Variants in CHD1 observed in about 807,000 individuals in gnomAD.
CHD1 encodes ATP-dependent chromatin remodeler CHD1.
In CHD1, 36 loss-of-function variants were observed where a neutral mutation model predicts 224.2. That is an observed-to-expected ratio of 0.16 (90% CI 0.12 to 0.21). The LOEUF (loss-of-function observed/expected upper bound fraction) is 0.21. CHD1 is among the 10% of genes least tolerant of loss of function. The pLI is 1.00. For synonymous variants in CHD1, 668 were observed against 658.3 expected (o/e 1.01, Z -0.23); for missense variants, 1,378 against 1,994.8 (o/e 0.69, Z 5.89).
chr5:98,864,566 A>G (rs1748720370), intron 31 of CHD1, among the ~76,000 whole-genome samples: 1 of 149,892 alleles, frequency 6.7e-6, no homozygotes, highest in Non-Finnish European at 1.5e-5. Flanking sequence ...ATGGTGGCGC[A>G]CACCTGTAGT....
Position 98,855,231 on chromosome 5 carries a change from A to G in CHD1, c.*1149T>C, listed in dbSNP as rs1021073590. 6.6e-6 allele frequency: 1 copy of G among 152,646 alleles called. No homozygotes were observed. 9.5% of individuals were successfully genotyped at this position (152,646 alleles called of 1,614,324 possible). A position where few individuals can be genotyped will look rare whatever the true frequency, so the allele number is the denominator to read the frequency against. ...CTTTTTCTTAAATTTAATTTGTCAT[A>G]TATAACGTTTTTATATACAATCAGT... On this transcript the variant is annotated 3_prime_UTR_variant, in exon 36 of 36. Coordinates refer to ENST00000614616, the MANE Select transcript of CHD1 (RefSeq NM_001270.4).
chr5:98,926,254 A>T (rs1312674835), intron 2 of CHD1, 80 bp downstream of exon 2: 2 of 867,958 alleles, frequency 2.3e-6, no homozygotes, highest in African/African-American at 3.6e-5. Flanking sequence ...AAAACTAAAT[A>T]ACAACAATAA....
chr5:98,928,542 C>T lies in CHD1; in HGVS notation c.-152G>A. On this transcript the variant is annotated 5_prime_UTR_variant, in exon 1 of 36. Coordinates refer to ENST00000614616, the MANE Select transcript of CHD1 (RefSeq NM_001270.4). ...CGCCCGCCGCCCCCTTTCTTACCGGCGGGCTTGGCGGGGCGGAGGGAGCCG... is the reference window on the plus strand; with the variant it reads ...CGCCCGCCGCCCCCTTTCTTACCGGTGGGCTTGGCGGGGCGGAGGGAGCCG... 1 of 152,090 alleles carries T rather than the reference C, an allele frequency of 6.6e-6. No individual in the cohort carries two copies. Among genetic ancestry groups the T allele is most frequent in the African/African-American group, 2.4e-5 (1 of 41,498 alleles). The allele number at this position is 152,090 out of a possible 1,614,324, so 9.4% of individuals were successfully genotyped here.
intron 35 of CHD1, among the ~76,000 whole-genome samples, chr5:98,857,732 T>C (rs912727902): frequency 1.3e-5 from 2 of 152,084 alleles, no homozygotes; most frequent in Non-Finnish European, 2.9e-5. Flanking sequence ...ATATTCCAGA[T>C]TGCTGAGGTT....
chr5:98,887,753 T>C (rs1015896857), intron 17 of CHD1, among the ~76,000 whole-genome samples: 1 of 152,138 alleles, frequency 6.6e-6, no homozygotes, highest in Non-Finnish European at 1.5e-5. Context: ...CTCATTCAGA[T>C]TGAAGACTAA....
At chr5:98,867,891 C>A (rs1309639580) in intron 31 of CHD1, among the ~76,000 whole-genome samples, 1 of 150,990 alleles carries the variant, frequency 6.6e-6, no homozygotes. Context: ...CAACCTCAGC[C>A]TTCCAGGTTC....
At chr5:98,869,620 G>GCGCA in intron 30 of CHD1, 134 bp downstream of exon 30, 1 of 754,062 alleles carries the variant, frequency 1.3e-6, no homozygotes, top group Non-Finnish European at 2.0e-6. Context: ...GCACGTGCGC[G>GCGCA]CGCACACACA....
At chr5:98,880,407 TAA>T (rs1750089007) in intron 22 of CHD1, among the ~76,000 whole-genome samples, 1 of 152,228 alleles carries the variant, frequency 6.6e-6, no homozygotes, top group African/African-American at 2.4e-5. Context: ...ATTAAAATTA[TAA>T]AAGTTTTTTA....
chr5:98,919,811 A>G (rs1330819845), intron 2 of CHD1, among the ~76,000 whole-genome samples: 1 of 152,190 alleles, frequency 6.6e-6, no homozygotes, highest in Non-Finnish European at 1.5e-5. Context: ...TACATATATT[A>G]CCTAGCTCTG....
chr5:98,901,215 G>A lies in CHD1; in HGVS notation c.558C>T (p.Asn186=). ...TTTGAGGTTTTCTGCTTTTGACTTT[G>A]TTTTTTGGCTCATAATCAGATTCTG... is the stretch of plus-strand genomic sequence containing the variant. The part of the protein sequence containing the change: ...DETESDYEPK[N]KVKSRKPQNR... The change falls in exon 6 of 36, where the codon AAC becomes AAT. Residue 186 remains asparagine, a synonymous_variant. Transcript: ENST00000614616. 1 of 1,612,370 alleles carries A rather than the reference G, an allele frequency of 6.2e-7. No individual in the cohort carries two copies. Among genetic ancestry groups the A allele is most frequent in the Non-Finnish European group, 8.5e-7 (1 of 1,179,562 alleles).
At chr5:98,889,924 T>C (rs1750903715) in intron 15 of CHD1, 1 of 152,200 alleles carries the variant, frequency 6.6e-6, no homozygotes, top group Non-Finnish European at 1.5e-5. Context: ...GATGGAGCTG[T>C]AGACCATAAT....
At chr5:98,891,740 G>A (rs1751032237) in intron 15 of CHD1, among the ~76,000 whole-genome samples, 1 of 152,172 alleles carries the variant, frequency 6.6e-6, no homozygotes, top group African/African-American at 2.4e-5. Flanking sequence ...GAAACCAGAA[G>A]GTGGAGGTTG....
rs1008419035 is a variant in CHD1 at position 98,928,995 on chromosome 5, C to G, written c.-605G>C. ...CGCCTCTGCTCACTCCCCTTCCCGA[C>G]AGAGCGCGAGGCGGGCGGGCGCGCG... On this transcript the variant is annotated 5_prime_UTR_variant, in exon 1 of 36. Coordinates refer to ENST00000614616, the MANE Select transcript of CHD1 (RefSeq NM_001270.4). 6.6e-6 allele frequency: 1 copy of G among 152,418 alleles called. No homozygotes were observed. The highest frequency in any genetic ancestry group is 1.9e-4 in the East Asian group (1 of 5,144). 9.4% of individuals were successfully genotyped at this position (152,418 alleles called of 1,614,324 possible). A position where few individuals can be genotyped will look rare whatever the true frequency, so the allele number is the denominator to read the frequency against.
At chr5:98,890,093 G>A (rs535337510) in intron 15 of CHD1, among the ~76,000 whole-genome samples, 8 of 152,204 alleles carry the variant, frequency 5.3e-5, no homozygotes, top group African/African-American at 7.2e-5. Flanking sequence ...TACCCACTGC[G>A]TACCATGCTC....
chr5:98,911,983 C>CT (rs1752451870), intron 2 of CHD1, among the ~76,000 whole-genome samples: 2 of 151,862 alleles, frequency 1.3e-5, no homozygotes, highest in Non-Finnish European at 2.9e-5. Context: ...ACTTAATAAA[C>CT]AATATAGGCC....
chr5:98,893,438 G>A lies in CHD1; in HGVS notation c.1969C>T (p.Leu657=). Residue 657 remains leucine (L), a synonymous_variant, in exon 14 of 36, where the codon CTA becomes TTA. Transcript: ENST00000614616. The part of the protein sequence containing the change: ...QNSLKELWSL[L]HFIMPEKFSS... ...TACTTTTCTGGCATAATGAAATGTA[G>A]CAAAGACCAGAGCTCTTTGAGGGAA... 1 of 1,597,796 alleles carries A rather than the reference G, an allele frequency of 6.3e-7. No homozygotes were observed. Among genetic ancestry groups the A allele is most frequent in the Admixed American group, 1.8e-5 (1 of 56,534 alleles).
chr5:98,907,588 CAAAAAAAAA>C (rs34839165), intron 2 of CHD1, among the ~76,000 whole-genome samples: 1 of 87,522 alleles, frequency 1.1e-5, no homozygotes, highest in African/African-American at 4.1e-5. Flanking sequence ...AACTCCATCT[CAAAAAAAAA>C]AAAAAAAAAG....
At chr5:98,870,895 T>C (rs1171308204) in intron 28 of CHD1, 92 bp from the exon 29 acceptor site, 8 of 581,740 alleles carry the variant, frequency 1.4e-5, no homozygotes, top group South Asian at 1.3e-4. Flanking sequence ...AATATATATA[T>C]AGTTCACCAA....
At position 98,854,233 on chromosome 5, in the gene CHD1, A is replaced by G. The variant is rs1040602518; in HGVS notation, c.*2147T>C. 2 of 152,084 alleles carry G rather than the reference A, an allele frequency of 1.3e-5. No individual in the cohort carries two copies. The highest frequency in any genetic ancestry group is 2.4e-5 in the African/African-American group (1 of 41,456). The allele number at this position is 152,084 out of a possible 1,614,324, so 9.4% of individuals were successfully genotyped here. A position where few individuals can be genotyped will look rare whatever the true frequency, so the allele number is the denominator to read the frequency against. On this transcript the variant is annotated 3_prime_UTR_variant, in exon 36 of 36. Transcript: ENST00000614616. The stretch of plus-strand genomic sequence containing the variant: ...ATTTGATAAATGTACATACAGTTCT[A>G]TATTTTTCATTCAACTCAGCTAACT...
Sources: gnomAD v4.1 joint callset for allele counts (sites outside exome capture counted in the v4.1 genomes callset) on GRCh38, gnomAD v4.1.1 for gene constraint, MANE v1.5 for transcripts, NCBI Gene and HGNC (gene_info 2026-07-23, HGNC 2026-07-21) for gene names.